Variants in SESN2 observed in about 807,000 individuals in gnomAD.
SESN2 encodes sestrin-2.
A neutral mutation model predicts 56.0 loss-of-function variants in SESN2; 42 were observed. That is an observed-to-expected ratio of 0.75 (90% CI 0.59 to 0.97). The LOEUF is 0.97. Among genes scored for constraint, SESN2 ranks in the 50% least tolerant of loss-of-function variants. SESN2 has a pLI of 0.00. For synonymous variants in SESN2, 264 were observed against 267.1 expected (o/e 0.99, Z 0.11); for missense variants, 507 against 649.4 (o/e 0.78, Z 2.38).
intron 1 of SESN2, among the ~76,000 whole-genome samples, chr1:28,260,800 C>T (rs1339039454): frequency 1.3e-5 from 2 of 151,932 alleles, no homozygotes; most frequent in Admixed American, 6.6e-5. Flanking sequence ...AGTTCGCACT[C>T]CCCCACCACT....
chr1:28,278,706 C>T (rs1648132046), intron 8 of SESN2, among the ~76,000 whole-genome samples: 1 of 152,196 alleles, frequency 6.6e-6, no homozygotes, highest in African/African-American at 2.4e-5. Context: ...AAGACCATTC[C>T]TTGCTGTATT....
intron 9 of SESN2, among the ~76,000 whole-genome samples, chr1:28,280,337 G>A (rs946128300): frequency 6.6e-6 from 1 of 152,198 alleles, no homozygotes; most frequent in Admixed American, 6.5e-5. Flanking sequence ...TTTCCAAGTA[G>A]CTGGGATTAC....
At position 28,281,421 on chromosome 1, in the gene SESN2, G is replaced by A. The variant is rs771914639; in HGVS notation, c.*619G>A. Reference sequence around the variant, plus strand: ...TTCCCTTTTCTCCATGCTTAATGGTGTGAGGCGTCAGGAGAGAGGCCAAGT... The same window carrying A: ...TTCCCTTTTCTCCATGCTTAATGGTATGAGGCGTCAGGAGAGAGGCCAAGT... On this transcript the variant is annotated 3_prime_UTR_variant, in exon 10 of 10. Coordinates refer to ENST00000253063, the MANE Select transcript of SESN2 (RefSeq NM_031459.5). The A allele has an allele frequency of 2.0e-5, 3 of 151,666 alleles. No individual in the cohort carries two copies. Among genetic ancestry groups the A allele is most frequent in the African/African-American group, 7.3e-5 (3 of 41,224 alleles). 9.4% of individuals were successfully genotyped at this position (151,666 alleles called of 1,614,324 possible).
In SESN2 at chr1:28,281,996, T is replaced by C. The variant is rs1260055712; in HGVS notation, c.*1194T>C. The C allele has an allele frequency of 6.6e-6, 1 of 152,218 alleles. No homozygotes were observed. Among genetic ancestry groups the C allele is most frequent in the Non-Finnish European group, 1.5e-5 (1 of 68,068 alleles). The allele number at this position is 152,218 out of a possible 1,614,324, so 9.4% of individuals were successfully genotyped here. A position where few individuals can be genotyped will look rare whatever the true frequency, so the allele number is the denominator to read the frequency against. On this transcript the variant is annotated 3_prime_UTR_variant, in exon 10 of 10. Transcript: ENST00000253063. ...TGTCTCCTGGGTGCCTTCTGAGGAC[T>C]CCCACCCCCATCCCAGTATCTCATC... is the stretch of plus-strand genomic sequence containing the variant.
intron 8 of SESN2, among the ~76,000 whole-genome samples, chr1:28,276,063 C>T (rs866386864): frequency 1.3e-5 from 2 of 152,092 alleles, no homozygotes; most frequent in South Asian, 2.1e-4. Flanking sequence ...AGGAGGATCC[C>T]TTGAGCCTGG....
intron 1 of SESN2, among the ~76,000 whole-genome samples, chr1:28,262,867 G>T (rs1468189405): frequency 6.6e-6 from 1 of 152,200 alleles, no homozygotes; most frequent in Admixed American, 6.5e-5. Context: ...GGCAGAGGTT[G>T]CAGTGAGCCG....
intron 8 of SESN2, among the ~76,000 whole-genome samples, chr1:28,275,296 TAC>T (rs71586836): frequency 0.023 from 3,455 of 149,436 alleles, 90 homozygotes; most frequent in African/African-American, 0.067. Context: ...TATACATGCA[TAC>T]ACACACACAC....
intron 1 of SESN2, among the ~76,000 whole-genome samples, chr1:28,262,901 C>T (rs1374326271): frequency 1.3e-5 from 2 of 152,202 alleles, no homozygotes; most frequent in African/African-American, 2.4e-5. Flanking sequence ...GTACTCCAGC[C>T]TGGGTGACAG....
chr1:28,273,147 C>T (rs1424360623), intron 5 of SESN2, among the ~76,000 whole-genome samples: 1 of 152,208 alleles, frequency 6.6e-6, no homozygotes, highest in East Asian at 1.9e-4. Context: ...TTAAAAATTC[C>T]TGCTCAGGGA....
intron 1 of SESN2, among the ~76,000 whole-genome samples, chr1:28,264,005 G>A (rs895299295): frequency 1.3e-5 from 2 of 149,398 alleles, no homozygotes; most frequent in Non-Finnish European, 3.0e-5. Context: ...TGGGAAGATC[G>A]CTTGAGCCCA....
Position 28,279,376 on chromosome 1 carries a change from G to C in SESN2, c.1356+135G>C, listed in dbSNP as rs187782565. 8.0e-4 allele frequency: 648 copies of C among 806,492 alleles called. 2 individuals carry two copies. The African/African-American group carries it at 8.4e-3, about 10-fold the overall frequency. 50.0% of individuals were successfully genotyped at this position (806,492 alleles called of 1,614,324 possible). ...TGGGACACCTGGGCCTATTCCTCTG[G>C]ATTGAAGTCCTATTCCACTGTGTGA... On this transcript the variant is annotated intron_variant, in intron 9 of 9. Coordinates refer to ENST00000253063, the MANE Select transcript of SESN2 (RefSeq NM_031459.5).
chr1:28,264,155 C>A (rs1227716876), intron 1 of SESN2, among the ~76,000 whole-genome samples: 1 of 151,326 alleles, frequency 6.6e-6, no homozygotes, highest in Non-Finnish European at 1.5e-5. Context: ...TATGTCTCTA[C>A]TAAAAATACA....
At chr1:28,266,703 G>A (rs1647571291) in intron 1 of SESN2, among the ~76,000 whole-genome samples, 1 of 151,976 alleles carries the variant, frequency 6.6e-6, no homozygotes, top group Admixed American at 6.6e-5. Context: ...GGGACTACAG[G>A]TTGTGTGCTA....
intron 8 of SESN2, among the ~76,000 whole-genome samples, chr1:28,275,484 G>C (rs1253411898): frequency 6.6e-6 from 1 of 152,248 alleles, no homozygotes; most frequent in African/African-American, 2.4e-5. Flanking sequence ...GCTGGGCGCA[G>C]TGGCTCATGC....
intron 9 of SESN2, among the ~76,000 whole-genome samples, chr1:28,280,035 A>G (rs1442776998): frequency 6.6e-6 from 1 of 151,768 alleles, no homozygotes; most frequent in Non-Finnish European, 1.5e-5. Flanking sequence ...ATAAGGTCTC[A>G]CTGTGTTGTC....
At chr1:28,264,583 G>C (rs1287324057) in intron 1 of SESN2, among the ~76,000 whole-genome samples, 1 of 152,098 alleles carries the variant, frequency 6.6e-6, no homozygotes, top group East Asian at 1.9e-4. Context: ...CTGTTACGTG[G>C]AACTGGAATC....
chr1:28,272,744 C>T lies in SESN2; in HGVS notation c.701C>T (p.Pro234Leu), dbSNP rs914794187. The change falls in exon 5 of 10, where the codon CCT becomes CTT. Residue 234 changes from proline (P) to leucine (L), a missense_variant. Transcript: ENST00000253063. ...GSPAPQAPTP[P>L]SEQSSPPSRD... The stretch of plus-strand genomic sequence containing the variant: ...CCTGCCCCCCAGGCACCTACACCCC[C>T]TAGTGAACAGAGCAGCCCCCCAAGC... 3.1e-6 allele frequency: 5 copies of T among 1,612,228 alleles called. No homozygotes were observed. The highest frequency in any genetic ancestry group is 4.2e-6 in the Non-Finnish European group (5 of 1,178,456).
chr1:28,268,759 G>A (rs139181162), intron 1 of SESN2, among the ~76,000 whole-genome samples: 4 of 152,194 alleles, frequency 2.6e-5, no homozygotes, highest in Non-Finnish European at 5.9e-5. Context: ...AGGAACGAAC[G>A]AACATGTGAG....
intron 5 of SESN2, 61 bp downstream of exon 5, chr1:28,272,854 T>A: frequency 1.1e-6 from 1 of 884,828 alleles, no homozygotes; most frequent in Non-Finnish European, 1.8e-6. Context: ...GGTCCTTAGG[T>A]AGAAGCTACT....
Sources: allele counts gnomAD v4.1 joint callset (sites outside exome capture counted in the v4.1 genomes callset), GRCh38; gene constraint gnomAD v4.1.1; transcripts MANE v1.5; gene names NCBI Gene and HGNC (gene_info 2026-07-23, HGNC 2026-07-21).